The following NRG1 variants were observed in gnomAD, a reference collection of about 807,000 sequenced individuals.
NRG1 encodes pro-neuregulin-1, membrane-bound isoform.
NRG1 carries 18 observed loss-of-function variants against 63.8 expected under a neutral mutation model. The ratio of observed to expected loss-of-function variants is 0.28; its 90% confidence interval spans 0.19 to 0.42. The LOEUF (loss-of-function observed/expected upper bound fraction) is 0.42, where lower values mean the gene tolerates loss of function less well. Ranked by LOEUF, NRG1 falls within the 10% of genes least tolerant of loss-of-function variation. The pLI, the probability that NRG1 is intolerant of heterozygous loss-of-function variation, is 1.00. For missense variants in NRG1, 762 were observed against 814.7 expected (o/e 0.94, Z 0.79); for synonymous variants, 302 against 301.3 (o/e 1.00, Z -0.02).
At chr8:31,648,225 C>T (rs1019427196) in intron 1 of NRG1, among the ~76,000 whole-genome samples, 60 of 148,646 alleles carry the variant, frequency 4.0e-4, no homozygotes, top group African/African-American at 1.3e-3. Context: ...GCTCCGCCTC[C>T]CGGGTTCACG....
intron 1 of NRG1, among the ~76,000 whole-genome samples, chr8:32,203,555 T>A (rs1203711507): frequency 6.6e-6 from 1 of 151,940 alleles, no homozygotes; most frequent in Admixed American, 6.6e-5. Context: ...AGAGATGGGA[T>A]TTCACCGGGT....
chr8:32,068,394 T>C (rs1257023680), intron 1 of NRG1, among the ~76,000 whole-genome samples: 1 of 152,160 alleles, frequency 6.6e-6, no homozygotes, highest in African/African-American at 2.4e-5. Flanking sequence ...AATCAGGGAA[T>C]GTGGACAAAG....
intron 5 of NRG1, among the ~76,000 whole-genome samples, chr8:32,691,185 C>G (rs937215922): frequency 6.6e-6 from 1 of 151,956 alleles, no homozygotes; most frequent in Non-Finnish European, 1.5e-5. Context: ...ATGGTGAAAC[C>G]CTGTCTCTAG....
intron 5 of NRG1, among the ~76,000 whole-genome samples, chr8:32,625,031 C>T (rs1473889707): frequency 6.6e-6 from 1 of 152,160 alleles, no homozygotes; most frequent in African/African-American, 2.4e-5. Context: ...TGTGAGATAA[C>T]ACTGATTGAG....
intron 1 of NRG1, among the ~76,000 whole-genome samples, chr8:31,965,087 G>A (rs956916869): frequency 1.3e-5 from 2 of 152,100 alleles, no homozygotes; most frequent in African/African-American, 4.8e-5. Flanking sequence ...CATCTTTCCA[G>A]TTCCCAGATA....
upstream of NRG1, among the ~76,000 whole-genome samples, chr8:32,545,947 C>T (rs912382479): frequency 2.6e-5 from 4 of 152,142 alleles, no homozygotes; most frequent in African/African-American, 9.7e-5. Context: ...CCCTCCATCA[C>T]ATCAAACCAA....
intron 1 of NRG1, among the ~76,000 whole-genome samples, chr8:31,961,259 G>A (rs1427544978): frequency 6.6e-6 from 1 of 152,154 alleles, no homozygotes; most frequent in Non-Finnish European, 1.5e-5. Context: ...GGTTCAGAAG[G>A]TTGGAAGAGC....
intron 1 of NRG1, among the ~76,000 whole-genome samples, chr8:31,866,147 C>G (rs1828938074): frequency 6.6e-6 from 1 of 152,162 alleles, no homozygotes; most frequent in African/African-American, 2.4e-5. Flanking sequence ...TTGTAGGCAA[C>G]TCTAGTTCTA....
At chr8:32,749,146 T>A (rs910630249) in intron 7 of NRG1, 6 of 159,974 alleles carry the variant, frequency 3.8e-5, no homozygotes, top group Non-Finnish European at 5.5e-5. Flanking sequence ...TTAATTAATT[T>A]AATTAAATAA....
intron 1 of NRG1, among the ~76,000 whole-genome samples, chr8:31,909,192 TTAAG>T (rs1312962747): frequency 2.6e-5 from 4 of 152,218 alleles, no homozygotes; most frequent in Non-Finnish European, 4.4e-5. Flanking sequence ...ATTTTCATTA[TTAAG>T]TATTTCAGAG....
intron 1 of NRG1, among the ~76,000 whole-genome samples, chr8:31,928,237 A>G (rs1484110820): frequency 6.6e-6 from 1 of 151,674 alleles, no homozygotes; most frequent in Non-Finnish European, 1.5e-5. Context: ...GCTGTTGGCC[A>G]TCACTAATCA....
At chr8:31,981,213 T>A (rs757859270) in intron 1 of NRG1, among the ~76,000 whole-genome samples, 6 of 152,080 alleles carry the variant, frequency 3.9e-5, no homozygotes, top group Non-Finnish European at 7.4e-5. Flanking sequence ...CCTATTATCT[T>A]CATGTTCCTG....
intron 1 of NRG1, among the ~76,000 whole-genome samples, chr8:32,031,297 C>T (rs1818222363): frequency 6.6e-6 from 1 of 152,162 alleles, no homozygotes; most frequent in African/African-American, 2.4e-5. Context: ...GGTAGGTGGC[C>T]TTTTCCCATT....
chr8:32,514,756 TG>T (rs2129503171), intron 1 of NRG1, among the ~76,000 whole-genome samples: 1 of 152,256 alleles, frequency 6.6e-6, no homozygotes, highest in East Asian at 1.9e-4. Context: ...GAAAGCTAAC[TG>T]TTACCCTATA....
chr8:31,968,831 G>A (rs926328040), intron 1 of NRG1, among the ~76,000 whole-genome samples: 5 of 152,136 alleles, frequency 3.3e-5, no homozygotes, highest in Admixed American at 2.0e-4. Flanking sequence ...CAATTGACAC[G>A]ATAAGAGAAG....
chr8:32,513,299 A>T (rs1186971476), intron 1 of NRG1, among the ~76,000 whole-genome samples: 1 of 151,778 alleles, frequency 6.6e-6, no homozygotes, highest in Non-Finnish European at 1.5e-5. Flanking sequence ...CTTTCCATAT[A>T]AGGGGCAAAA....
chr8:32,025,101 G>A (rs1025115659), intron 1 of NRG1, among the ~76,000 whole-genome samples: 3 of 152,086 alleles, frequency 2.0e-5, no homozygotes, highest in Non-Finnish European at 4.4e-5. Flanking sequence ...GATCAAGGGA[G>A]CATCTTACTT....
intron 1 of NRG1, among the ~76,000 whole-genome samples, chr8:31,860,705 C>T (rs544011549): frequency 6.6e-6 from 1 of 152,186 alleles, no homozygotes; most frequent in South Asian, 2.1e-4. Flanking sequence ...AATATAAAAG[C>T]CAGTCTAGGT....
Position 32,554,147 on chromosome 8 carries a change from CA to C in NRG1, c.100+5328del, listed in dbSNP as rs1834656757. Among the ~76,000 whole-genome samples the C allele has an allele frequency of 2.0e-5, 3 of 151,960 alleles. No homozygotes were observed. In the South Asian group the frequency reaches 6.2e-4, roughly 32 times the overall value. On this transcript the variant is annotated intron_variant, in intron 1 of 11. Transcript: ENST00000356819. ...TCCCCCTCTTGACAAATAGAAAAAA[CA>C]AAAAAATAAATCAGATAGTATTAGC...
Sources: gnomAD v4.1 joint callset for allele counts (sites outside exome capture counted in the v4.1 genomes callset) on GRCh38, gnomAD v4.1.1 for gene constraint, MANE v1.5 for transcripts, NCBI Gene and HGNC (gene_info 2026-07-23, HGNC 2026-07-21) for gene names.